CYP4V2: variants seen among roughly 807,000 people sequenced by gnomAD.
CYP4V2 encodes cytochrome P450 4V2.
CYP4V2 carries 55 observed loss-of-function variants against 60.8 expected under a neutral mutation model. The observed-to-expected ratio is 0.90, with a 90% CI of 0.73 to 1.13. CYP4V2 has a LOEUF of 1.13. Ranked by LOEUF, CYP4V2 falls within the 50% of genes most tolerant of loss-of-function variation. The probability of loss-of-function intolerance (pLI) is 0.00; values close to 1 mark genes in which losing one functional copy is unlikely to be tolerated. For synonymous variants in CYP4V2, 239 were observed against 236.8 expected (o/e 1.01, Z -0.08); for missense variants, 675 against 662.9 (o/e 1.02, Z -0.20).
At chr4:186,209,380 TA>T (rs11437160) in intron 10 of CYP4V2, 108 bp downstream of exon 10, 4,742 of 1,155,608 alleles carry the variant, frequency 4.1e-3, no homozygotes, top group Non-Finnish European at 4.7e-3. Context: ...GCAACAGCCT[TA>T]AAAAAAAAAT....
chr4:186,195,964 T>C lies in CYP4V2; in HGVS notation c.328-39T>C. On this transcript the variant is annotated intron_variant, in intron 2 of 10. Coordinates refer to ENST00000378802, the MANE Select transcript of CYP4V2 (RefSeq NM_207352.4). This position sits in a 1 kb window ranked among gnomAD's most constrained non-coding sequence, Gnocchi z 4.1. Reference sequence around the variant, plus strand: ...CTATAATTACAGGAAGGTTGTTTGATGTCTGTATGTCTCTAAAGTATGTTT... The same window carrying C: ...CTATAATTACAGGAAGGTTGTTTGACGTCTGTATGTCTCTAAAGTATGTTT... 1 of 1,437,500 alleles carries C rather than the reference T, an allele frequency of 7.0e-7. No homozygotes were observed. The highest frequency in any genetic ancestry group is 9.8e-7 in the Non-Finnish European group (1 of 1,021,412). 89.0% of individuals were successfully genotyped at this position (1,437,500 alleles called of 1,614,324 possible).
chr4:186,194,319 T>C (rs959342530), intron 1 of CYP4V2, among the ~76,000 whole-genome samples, 181 bp from the exon 2 acceptor site: 28 of 152,246 alleles, frequency 1.8e-4, no homozygotes, highest in African/African-American at 6.3e-4. Context: ...AAAAAAACTT[T>C]AGACTTACAG....
At chr4:186,204,921 T>TG in intron 7 of CYP4V2, 1 of 479,880 alleles carries the variant, frequency 2.1e-6, no homozygotes, top group Non-Finnish European at 3.8e-6. Flanking sequence ...GCTCACCTCG[T>TG]GCCCATGGAA....
At chr4:186,193,911 T>C (rs115936379) in intron 1 of CYP4V2, among the ~76,000 whole-genome samples, 144 of 152,338 alleles carry the variant, frequency 9.5e-4, no homozygotes, top group African/African-American at 3.3e-3. Flanking sequence ...TTCCAGTCCA[T>C]TGTGACAAAG....
intron 7 of CYP4V2, chr4:186,204,030 G>A (rs1736402346): frequency 2.7e-5 from 2 of 73,500 alleles, no homozygotes; most frequent in Admixed American, 2.4e-4. Context: ...TGACTTTCCA[G>A]ATACATTTTT....
chr4:186,202,999 C>G, intron 7 of CYP4V2: 1 of 150,074 alleles, frequency 6.7e-6, no homozygotes, highest in Non-Finnish European at 1.5e-5. Context: ...TGCAATCATA[C>G]AAAAACACAT....
At chr4:186,202,779 T>G (rs1362407134) in intron 7 of CYP4V2, 1 of 149,898 alleles carries the variant, frequency 6.7e-6, no homozygotes, top group African/African-American at 2.5e-5. Context: ...CATATGTATA[T>G]CCACATGCGC....
At chr4:186,200,599 C>CTGCACT (rs1191212538) in intron 6 of CYP4V2, among the ~76,000 whole-genome samples, 28 of 152,160 alleles carry the variant, frequency 1.8e-4, no homozygotes, top group African/African-American at 6.7e-4. Context: ...GTGCTAGGGA[C>CTGCACT]AGGGGTAGCA....
intron 4 of CYP4V2, 96 bp downstream of exon 4, chr4:186,197,226 G>A (rs942107523): frequency 1.7e-5 from 24 of 1,443,372 alleles, no homozygotes; most frequent in Non-Finnish European, 2.1e-5. Flanking sequence ...TGGGGGGACG[G>A]GAAAGGGTGA....
At chr4:186,197,260 G>GTAGA in intron 4 of CYP4V2, 130 bp downstream of exon 4, 1 of 1,151,964 alleles carries the variant, frequency 8.7e-7, no homozygotes, top group Non-Finnish European at 1.3e-6. Flanking sequence ...GCGGTTCTAC[G>GTAGA]ACCGCACTGG....
chr4:186,200,879 G>C (rs944161145), intron 6 of CYP4V2, among the ~76,000 whole-genome samples: 15 of 152,062 alleles, frequency 9.9e-5, no homozygotes, highest in African/African-American at 3.4e-4. Flanking sequence ...CTATCTAGTA[G>C]ACTATGATTC....
chr4:186,192,135 G>A, intron 1 of CYP4V2, 98 bp downstream of exon 1: 1 of 1,434,906 alleles, frequency 7.0e-7, no homozygotes, highest in South Asian at 1.2e-5. Flanking sequence ...GCTGGCCGCA[G>A]GAGAGAGGAG....
At chr4:186,196,707 T>A (rs1736157539) in intron 3 of CYP4V2, 1 of 528,280 alleles carries the variant, frequency 1.9e-6, no homozygotes, top group African/African-American at 1.9e-5. Context: ...TTTAAACATG[T>A]ATAGAACAAT....
rs1177001200 is a variant in CYP4V2, at chr4:186,204,966, A to G, written c.988-234A>G. On this transcript the variant is annotated intron_variant, in intron 7 of 10. Coordinates refer to ENST00000378802, the MANE Select transcript of CYP4V2 (RefSeq NM_207352.4). ...TATTAACACAGCACAGGCACGTCCC[A>G]CCAGCGTGCAACACCGTGCGGCGTG... 29 of 573,098 alleles carry G rather than the reference A, an allele frequency of 5.1e-5. 1 individual carries two copies. Among genetic ancestry groups the G allele is most frequent in the South Asian group, 4.0e-4 (21 of 51,914 alleles). The allele number at this position is 573,098 out of a possible 1,614,324, so 35.5% of individuals were successfully genotyped here.
intron 2 of CYP4V2, 136 bp downstream of exon 2, chr4:186,194,748 A>G: frequency 1.3e-6 from 1 of 784,812 alleles, no homozygotes; most frequent in Admixed American, 2.2e-5. Context: ...TTTAGACTAT[A>G]TAGGTGCAAT....
chr4:186,208,318 G>A (rs868626797), intron 8 of CYP4V2, among the ~76,000 whole-genome samples: 62 of 147,934 alleles, frequency 4.2e-4, no homozygotes, highest in African/African-American at 1.2e-3. Context: ...TATTTGATGG[G>A]TATTTAGCAT....
At chr4:186,204,883 CAG>C (rs2126594894) in intron 7 of CYP4V2, 1 of 404,842 alleles carries the variant, frequency 2.5e-6, no homozygotes, top group African/African-American at 2.0e-5. Context: ...TCGTGAAAAT[CAG>C]ACTTTGTTCT....
At chr4:186,204,482 T>C in intron 7 of CYP4V2, 1 of 164,204 alleles carries the variant, frequency 6.1e-6, no homozygotes, top group Non-Finnish European at 1.3e-5. Flanking sequence ...TGGAGCGTCC[T>C]TACTGCACAG....
At chr4:186,205,019 C>A in intron 7 of CYP4V2, 181 bp from the exon 8 acceptor site, 1 of 672,620 alleles carries the variant, frequency 1.5e-6, no homozygotes, top group Non-Finnish European at 2.6e-6. Context: ...CATGAACCTC[C>A]GCTTTGCAGG....
Sources: allele counts gnomAD v4.1 joint callset (sites outside exome capture counted in the v4.1 genomes callset), GRCh38; gene constraint gnomAD v4.1.1; non-coding constraint Gnocchi (gnomAD v3.1); transcripts MANE v1.5; gene names NCBI Gene and HGNC (gene_info 2026-07-23, HGNC 2026-07-21).